KIF24: variants seen among roughly 807,000 people sequenced by gnomAD.
KIF24 encodes kinesin-like protein KIF24.
KIF24 carries 81 observed loss-of-function variants against 118.9 expected under a neutral mutation model. That is an observed-to-expected ratio of 0.68 (90% CI 0.57 to 0.82). The LOEUF (loss-of-function observed/expected upper bound fraction) is 0.82, where lower values mean the gene tolerates loss of function less well. Among genes scored for constraint, KIF24 ranks in the 40% least tolerant of loss-of-function variants. The pLI is 0.00. For missense variants in KIF24, 1,560 were observed against 1,661.6 expected (o/e 0.94, Z 1.06); for synonymous variants, 599 against 610.0 (o/e 0.98, Z 0.27).
intron 1 of KIF24, among the ~76,000 whole-genome samples, chr9:34,317,390 A>G (rs971897104): frequency 6.6e-6 from 1 of 151,096 alleles, no homozygotes; most frequent in Non-Finnish European, 1.5e-5. Flanking sequence ...ACTGTCTTAA[A>G]AAAAAAAAAA....
intron 1 of KIF24, chr9:34,319,498 AC>A: frequency 7.7e-7 from 1 of 1,293,472 alleles, no homozygotes; most frequent in African/African-American, 1.5e-5. Flanking sequence ...AACTCCTTTG[AC>A]CAGGACATCT....
intron 9 of KIF24, among the ~76,000 whole-genome samples, chr9:34,261,567 C>T (rs1008404788): frequency 2.6e-5 from 4 of 152,198 alleles, no homozygotes; most frequent in Non-Finnish European, 4.4e-5. Context: ...AGTGGTCATA[C>T]AGTACATGAT....
In KIF24 at chr9:34,284,990, T is replaced by C. The variant is rs115907414; in HGVS notation, c.1215+1627A>G. On this transcript the variant is annotated intron_variant, in intron 6 of 12. Transcript: ENST00000402558. ...TAAAGGAAGGTTCAACAGAAATCTATTTGTACTTACGTTAATAAATGCCCA... is the reference window on the plus strand; with the variant it reads ...TAAAGGAAGGTTCAACAGAAATCTACTTGTACTTACGTTAATAAATGCCCA... Among the ~76,000 whole-genome samples, 1,207 of 152,244 alleles carry C rather than the reference T, an allele frequency of 7.9e-3. 19 individuals carry two copies. The highest frequency in any genetic ancestry group is 0.027 in the African/African-American group (1,136 of 41,538).
At chr9:34,331,758 A>C (rs1329014483), upstream of KIF24, among the ~76,000 whole-genome samples, 1 of 152,242 alleles carries the variant, frequency 6.6e-6, no homozygotes, top group Non-Finnish European at 1.5e-5. Context: ...ACTGAACTTT[A>C]GACCCATCTG....
chr9:34,273,252 C>T (rs1015608703), intron 6 of KIF24, among the ~76,000 whole-genome samples: 12 of 151,518 alleles, frequency 7.9e-5, no homozygotes, highest in African/African-American at 2.7e-4. Flanking sequence ...TCTCGAAGTC[C>T]TGGGCTCAAG....
chr9:34,267,607 TGTTA>T (rs1835341923), intron 8 of KIF24, among the ~76,000 whole-genome samples: 1 of 152,156 alleles, frequency 6.6e-6, no homozygotes, highest in Non-Finnish European at 1.5e-5. Flanking sequence ...ATAAAATTAA[TGTTA>T]ATTATATATT....
chr9:34,321,294 T>G (rs1265559335), intron 1 of KIF24, among the ~76,000 whole-genome samples: 1 of 152,070 alleles, frequency 6.6e-6, no homozygotes, highest in East Asian at 1.9e-4. Flanking sequence ...TATAGCAGAT[T>G]ACTAGATTAG....
In KIF24 at chr9:34,306,876, G is replaced by C. The variant is rs918567814; in HGVS notation, c.624-435C>G. Among the ~76,000 whole-genome samples, 3 of 151,860 alleles carry C rather than the reference G, an allele frequency of 2.0e-5. 1 individual carries two copies. In the South Asian group the frequency reaches 6.2e-4, roughly 32 times the overall value. ...ATTTCTTAAAGTTACAAAGTAAAGT[G>C]TCAACCCTGAGAAAGTTCTTCTATC... On this transcript the variant is annotated intron_variant, in intron 2 of 12. Transcript: ENST00000402558.
chr9:34,258,031 T>C (rs1261059361), intron 10 of KIF24, 50 bp from the exon 11 acceptor site: 1 of 1,366,048 alleles, frequency 7.3e-7, no homozygotes, highest in East Asian at 2.3e-5. Context: ...TGTTCTGCAA[T>C]TCCTTTTCTA....
chr9:34,269,352 T>C lies in KIF24; in HGVS notation c.1348A>G (p.Ile450Val). 6.3e-7 allele frequency: 1 copy of C among 1,587,418 alleles called. No individual in the cohort carries two copies. The highest frequency in any genetic ancestry group is 8.6e-7 in the Non-Finnish European group (1 of 1,157,498). Residue 450 changes from isoleucine (I) to valine (V), a missense_variant, in exon 8 of 13, where the codon ATT becomes GTT. By Grantham distance (29) the Ile-to-Val change is conservative. Transcript: ENST00000402558. Reference protein sequence around the residue: ...AKRTFGRISFIDLAGSERAAD... With the variant: ...AKRTFGRISFVDLAGSERAAD... The stretch of plus-strand genomic sequence containing the variant: ...GCTCTTTCACTGCCAGCCAAGTCAA[T>C]AAAAGAGATCCTAGAGAAAAGACAC...
chr9:34,306,818 T>C (rs1218700693), intron 2 of KIF24, among the ~76,000 whole-genome samples: 1 of 151,862 alleles, frequency 6.6e-6, no homozygotes, highest in African/African-American at 2.4e-5. Flanking sequence ...AAAAAAAGTA[T>C]TGGTACATTT....
chr9:34,307,221 C>G (rs1347920909), intron 2 of KIF24, among the ~76,000 whole-genome samples: 2 of 152,074 alleles, frequency 1.3e-5, no homozygotes, highest in African/African-American at 4.8e-5. Flanking sequence ...TACAACACCG[C>G]AGCTGGCTAA....
At chr9:34,265,765 C>T (rs10814087) in intron 8 of KIF24, among the ~76,000 whole-genome samples, 106,106 of 151,666 alleles carry the variant, frequency 0.7, 39,042 homozygotes, top group East Asian at 0.95. Context: ...ATAAATGTTG[C>T]TAGGAACTAA....
At chr9:34,308,973 TG>T (rs1837035909) in intron 2 of KIF24, among the ~76,000 whole-genome samples, 2 of 151,950 alleles carry the variant, frequency 1.3e-5, no homozygotes, top group Non-Finnish European at 2.9e-5. Context: ...CCTAGCTACT[TG>T]GGTGGCTGAG....
At position 34,329,229 on chromosome 9, in the gene KIF24, C is replaced by G. The variant is rs1192866233; in HGVS notation, c.-149G>C. Among the ~76,000 whole-genome samples, 1 of 152,254 alleles carries G rather than the reference C, an allele frequency of 6.6e-6. No individual in the cohort carries two copies. Among genetic ancestry groups the G allele is most frequent in the African/African-American group, 2.4e-5 (1 of 41,470 alleles). ...CCGGGAGCCACCGGCGGCGGCCAGG[C>G]CGCATCTCCATGGCAACGCCGCCAA... On this transcript the variant is annotated 5_prime_UTR_variant, in exon 1 of 13. Coordinates refer to ENST00000402558, the MANE Select transcript of KIF24 (RefSeq NM_194313.4).
intron 1 of KIF24, among the ~76,000 whole-genome samples, chr9:34,326,817 A>C (rs1234521174): frequency 6.6e-6 from 1 of 152,154 alleles, no homozygotes; most frequent in African/African-American, 2.4e-5. Context: ...AGAGGATCTT[A>C]AGTGGAGAAA....
At chr9:34,317,218 CAA>C (rs577980000) in intron 1 of KIF24, among the ~76,000 whole-genome samples, 5 of 128,910 alleles carry the variant, frequency 3.9e-5, no homozygotes, top group Non-Finnish European at 3.3e-5. Context: ...AACTCTGTCT[CAA>C]AAAAAAAAAA....
chr9:34,262,669 A>ATATGTATGT (rs1563936562), intron 9 of KIF24, among the ~76,000 whole-genome samples: 3 of 39,932 alleles, frequency 7.5e-5, no homozygotes, highest in Non-Finnish European at 1.4e-4. Flanking sequence ...AAAAAAAAAA[A>ATATGTATGT]AAAAAAATAT....
intron 3 of KIF24, 90 bp from the exon 4 acceptor site, chr9:34,297,204 T>C (rs949085341): frequency 3.4e-5 from 24 of 710,188 alleles, no homozygotes; most frequent in Middle Eastern, 3.5e-4. Flanking sequence ...TGCCAAAATA[T>C]GTCTTTAAGT....
Sources: allele counts gnomAD v4.1 joint callset (sites outside exome capture counted in the v4.1 genomes callset), GRCh38; gene constraint gnomAD v4.1.1; transcripts MANE v1.5; gene names NCBI Gene and HGNC (gene_info 2026-07-23, HGNC 2026-07-21).